GAK: variants seen among roughly 807,000 people sequenced by gnomAD.
GAK encodes cyclin-G-associated kinase.
In GAK, 79 loss-of-function variants were observed where a neutral mutation model predicts 143.9. That is an observed-to-expected ratio of 0.55 (90% CI 0.46 to 0.66). The LOEUF is 0.66. Ranked by LOEUF, GAK falls within the 30% of genes least tolerant of loss-of-function variation. The pLI is 0.00. For missense variants in GAK, 1,693 were observed against 1,779.7 expected (o/e 0.95, Z 0.88); for synonymous variants, 881 against 765.5 (o/e 1.15, Z -2.49).
In GAK at chr4:893,348, GA is replaced by G. The variant is rs757208369; in HGVS notation, c.990+28del. 12 of 1,462,858 alleles carry G rather than the reference GA, an allele frequency of 8.2e-6. No homozygotes were observed. The East Asian group carries it at 2.8e-4, about 34-fold the overall frequency. The allele number at this position is 1,462,858 out of a possible 1,614,324, so 90.6% of individuals were successfully genotyped here. On this transcript the variant is annotated intron_variant, in intron 9 of 27. Transcript: ENST00000314167. ...GTGTGCCTCCTTCACCACTGCGGGG[GA>G]TTTGGGGCTCACGTGTGCCTCCCTC...
intron 6 of GAK, 65 bp from the exon 7 acceptor site, chr4:896,614 C>T (rs1560387748): frequency 1.6e-6 from 2 of 1,245,518 alleles, no homozygotes; most frequent in Non-Finnish European, 2.3e-6. Context: ...TTATGTTGCA[C>T]CACTTCCGTG....
intron 15 of GAK, among the ~76,000 whole-genome samples, chr4:881,419 G>A (rs922700199): frequency 1.3e-5 from 2 of 152,196 alleles, no homozygotes; most frequent in African/African-American, 4.8e-5. Context: ...AACACGCTGT[G>A]ACCACACTCC....
At chr4:880,963 G>A (rs1053340724) in intron 15 of GAK, among the ~76,000 whole-genome samples, 5 of 152,192 alleles carry the variant, frequency 3.3e-5, no homozygotes, top group Non-Finnish European at 7.3e-5. Context: ...ATGTGTGGAG[G>A]GGCTCCCAAC....
intron 18 of GAK, among the ~76,000 whole-genome samples, chr4:871,385 G>A (rs534264227): frequency 1.3e-5 from 2 of 152,218 alleles, no homozygotes; most frequent in African/African-American, 2.4e-5. Flanking sequence ...GCAGCCACCC[G>A]GCAGCTCAGA....
chr4:903,923 T>A lies in GAK; in HGVS notation c.525+714A>T, dbSNP rs111679013. On this transcript the variant is annotated intron_variant, in intron 5 of 27. Transcript: ENST00000314167. ...AGGGAGGCGGGGCCATCCCGGGATC[T>A]CTGTCGGCAAAGGCCTGTGAGACAG... Among the ~76,000 whole-genome samples, 70 of 152,342 alleles carry A rather than the reference T, an allele frequency of 4.6e-4. 1 individual carries two copies. Among genetic ancestry groups the A allele is most frequent in the African/African-American group, 1.6e-3 (67 of 41,574 alleles).
intron 18 of GAK, among the ~76,000 whole-genome samples, chr4:874,387 GA>G (rs1479223372): frequency 6.6e-6 from 1 of 152,168 alleles, no homozygotes; most frequent in Admixed American, 6.6e-5. Context: ...GATACTTGCT[GA>G]AATGGAGCAG....
Position 916,624 on chromosome 4 carries a change from T to G in GAK, c.146-2956A>C, listed in dbSNP as rs559561246. The stretch of plus-strand genomic sequence containing the variant: ...GTCCCACCACTGCCCATTAGAGAAA[T>G]GCAGACTTAAACCGCGAAGATAGGA... On this transcript the variant is annotated intron_variant, in intron 1 of 27. Coordinates refer to ENST00000314167, the MANE Select transcript of GAK (RefSeq NM_005255.4). Among the ~76,000 whole-genome samples, 11 of 152,254 alleles carry G rather than the reference T, an allele frequency of 7.2e-5. No homozygotes were observed. In the South Asian group the frequency reaches 2.3e-3, roughly 32 times the overall value.
intron 1 of GAK, 98 bp downstream of exon 1, chr4:931,945 C>G: frequency 1.1e-6 from 1 of 906,040 alleles, no homozygotes; most frequent in South Asian, 1.5e-5. Context: ...CCCTCCCCAG[C>G]CCTAACCCAC....
intron 1 of GAK, among the ~76,000 whole-genome samples, chr4:924,386 T>G (rs968802453): frequency 3.3e-5 from 5 of 152,276 alleles, no homozygotes; most frequent in Admixed American, 6.5e-5. Flanking sequence ...GGAAGGAGGT[T>G]TGGTTGTTTC....
chr4:927,802 C>G (rs1725080473), intron 1 of GAK, among the ~76,000 whole-genome samples: 1 of 151,878 alleles, frequency 6.6e-6, no homozygotes. Context: ...GCACCCCTCC[C>G]TGGGTGAGCG....
intron 11 of GAK, 169 bp from the exon 12 acceptor site, chr4:884,255 G>A: frequency 3.3e-6 from 2 of 607,770 alleles, no homozygotes; most frequent in South Asian, 3.9e-5. Context: ...CTTCCCGGCT[G>A]TGTGCGTGCT....
chr4:881,408 A>T (rs942840770), intron 15 of GAK, among the ~76,000 whole-genome samples: 2 of 152,062 alleles, frequency 1.3e-5, no homozygotes, highest in East Asian at 1.9e-4. Flanking sequence ...GGAGAGCCCT[A>T]AACACGCTGT....
chr4:919,407 T>A (rs1034737311), intron 1 of GAK, among the ~76,000 whole-genome samples: 4 of 152,188 alleles, frequency 2.6e-5, no homozygotes, highest in Non-Finnish European at 5.9e-5. Context: ...AGGCCTTCAG[T>A]GCCGCATGAC....
intron 5 of GAK, among the ~76,000 whole-genome samples, chr4:904,120 A>G (rs913018762): frequency 2.0e-5 from 3 of 152,170 alleles, no homozygotes; most frequent in Non-Finnish European, 2.9e-5. Context: ...GTGTGGAGGG[A>G]GCCACTACCT....
chr4:869,111 T>C (rs902911550), intron 19 of GAK: 41 of 152,636 alleles, frequency 2.7e-4, no homozygotes, highest in Admixed American at 6.4e-4. Context: ...AGATGCACAG[T>C]ATACACGAAT....
chr4:877,885 A>G, intron 15 of GAK, 76 bp from the exon 16 acceptor site: 1 of 1,367,174 alleles, frequency 7.3e-7, no homozygotes, highest in Non-Finnish European at 9.8e-7. Context: ...TCTTTCGAAT[A>G]GAAGTTTTTC....
At chr4:881,767 G>T in intron 15 of GAK, 140 bp downstream of exon 15, 1 of 1,069,472 alleles carries the variant, frequency 9.4e-7, no homozygotes, top group Non-Finnish European at 1.3e-6. Context: ...GCTCAGCCAT[G>T]GCTCCGCGAG....
At chr4:884,324 C>G (rs1248998468) in intron 11 of GAK, 2 of 530,462 alleles carry the variant, frequency 3.8e-6, no homozygotes, top group Non-Finnish European at 6.7e-6. Context: ...CTGGTGGAGG[C>G]ATGGGTGAGA....
chr4:920,988 A>G (rs1577320625), intron 1 of GAK, among the ~76,000 whole-genome samples: 1 of 152,376 alleles, frequency 6.6e-6, no homozygotes, highest in East Asian at 1.9e-4. Context: ...GACTTACTAC[A>G]CAGCTAAATT....
Sources: gnomAD v4.1 joint callset for allele counts (sites outside exome capture counted in the v4.1 genomes callset) on GRCh38, gnomAD v4.1.1 for gene constraint, MANE v1.5 for transcripts, NCBI Gene and HGNC (gene_info 2026-07-23, HGNC 2026-07-21) for gene names.